The following VPS35L variants were observed in gnomAD, a reference collection of about 807,000 sequenced individuals.
The protein encoded by VPS35L is VPS35 endosomal protein sorting factor like.
A neutral mutation model predicts 133.0 loss-of-function variants in VPS35L; 83 were observed. The observed-to-expected ratio is 0.62, with a 90% confidence interval of 0.52 to 0.75. The LOEUF (loss-of-function observed/expected upper bound fraction) is 0.75. Among genes scored for constraint, VPS35L ranks in the 30% least tolerant of loss-of-function variants. VPS35L has a pLI of 0.00. For synonymous variants in VPS35L, 423 were observed against 449.9 expected, an observed-to-expected ratio of 0.94 and a Z score of 0.76; for missense variants, 1,083 against 1,206.8, an observed-to-expected ratio of 0.90 and a Z score of 1.52.
chr16:19,635,556 A>T (rs1973598102), intron 19 of VPS35L, among the ~76,000 whole-genome samples: 1 of 152,324 alleles, frequency 6.6e-6, no homozygotes, highest in East Asian at 1.9e-4. Context: ...ACTAATTGAG[A>T]CAATCAACAG....
At chr16:19,579,298 C>T (rs773221454) in intron 6 of VPS35L, 170 bp downstream of exon 6, 90 of 595,646 alleles carry the variant, frequency 1.5e-4, no homozygotes, top group Non-Finnish European at 2.3e-4. Context: ...TGCAGTTGGC[C>T]GAGCTCACGG....
At chr16:19,604,880 C>T (rs933566975) in intron 9 of VPS35L, among the ~76,000 whole-genome samples, 1 of 152,144 alleles carries the variant, frequency 6.6e-6, no homozygotes, top group African/African-American at 2.4e-5. Context: ...TAGATGTGGT[C>T]ATTTTTTCCC....
chr16:19,667,071 C>T (rs1007406669), intron 26 of VPS35L, among the ~76,000 whole-genome samples: 1 of 151,702 alleles, frequency 6.6e-6, no homozygotes, highest in Admixed American at 6.6e-5. Flanking sequence ...TCAAGTGATT[C>T]TCCTGCCTCA....
At chr16:19,652,177 C>A (rs1292538191) in intron 26 of VPS35L, 87 bp downstream of exon 26, 2 of 954,728 alleles carry the variant, frequency 2.1e-6, no homozygotes, top group African/African-American at 1.6e-5. Context: ...TAGAGAGAGA[C>A]AAAGATTTCT....
chr16:19,677,571 G>A (rs533821466), intron 27 of VPS35L, among the ~76,000 whole-genome samples: 1 of 152,306 alleles, frequency 6.6e-6, no homozygotes, highest in East Asian at 1.9e-4. Flanking sequence ...CAGCGTGGGT[G>A]AAATCCTGGA....
At chr16:19,607,937 G>T (rs1031580212) in intron 9 of VPS35L, 2 of 463,030 alleles carry the variant, frequency 4.3e-6, no homozygotes, top group Non-Finnish European at 7.7e-6. Context: ...ACCTCAGAGG[G>T]TTGCTATATG....
At chr16:19,596,065 A>G (rs1377865782) in intron 8 of VPS35L, among the ~76,000 whole-genome samples, 1 of 151,992 alleles carries the variant, frequency 6.6e-6, no homozygotes, top group Non-Finnish European at 1.5e-5. Flanking sequence ...AAAAAAAAAG[A>G]TATTAAGTCC....
intron 25 of VPS35L, 146 bp from the exon 26 acceptor site, chr16:19,651,830 G>C (rs1334595478): frequency 3.0e-6 from 2 of 666,048 alleles, no homozygotes; most frequent in East Asian, 2.8e-5. Context: ...TCAGAGCAGA[G>C]TTGTACAAGA....
intron 20 of VPS35L, among the ~76,000 whole-genome samples, chr16:19,637,968 C>G (rs1192838211): frequency 6.6e-6 from 1 of 152,226 alleles, no homozygotes; most frequent in Non-Finnish European, 1.5e-5. Flanking sequence ...TCTTACTTTG[C>G]TCTTCCACAG....
intron 23 of VPS35L, among the ~76,000 whole-genome samples, chr16:19,646,243 G>T (rs559769674): frequency 3.3e-5 from 5 of 152,156 alleles, no homozygotes; most frequent in Non-Finnish European, 7.4e-5. Flanking sequence ...GGGCATCTTG[G>T]TTTTCTTCCA....
intron 28 of VPS35L, among the ~76,000 whole-genome samples, chr16:19,686,449 T>G (rs1019176918): frequency 1.3e-5 from 2 of 152,210 alleles, no homozygotes; most frequent in African/African-American, 4.8e-5. Flanking sequence ...TCAATGTTTA[T>G]GTATTTAGTA....
intron 9 of VPS35L, among the ~76,000 whole-genome samples, chr16:19,606,331 C>T (rs1236721000): frequency 6.6e-6 from 1 of 152,198 alleles, no homozygotes; most frequent in African/African-American, 2.4e-5. Context: ...TCCCTCTCCC[C>T]AAAGAGAAGA....
chr16:19,661,239 G>C (rs1974476793), intron 26 of VPS35L, among the ~76,000 whole-genome samples: 1 of 151,446 alleles, frequency 6.6e-6, no homozygotes, highest in Non-Finnish European at 1.5e-5. Context: ...TTTTGGAAGT[G>C]CTACAAATTA....
chr16:19,603,484 T>TA (rs1289220525), intron 9 of VPS35L, among the ~76,000 whole-genome samples: 8 of 152,212 alleles, frequency 5.3e-5, no homozygotes, highest in Admixed American at 5.2e-4. Context: ...ATGAATCGGG[T>TA]AAAGTACATG....
chr16:19,619,079 C>T (rs1849566686), intron 14 of VPS35L, among the ~76,000 whole-genome samples: 1 of 151,930 alleles, frequency 6.6e-6, no homozygotes, highest in Non-Finnish European at 1.5e-5. Flanking sequence ...TACAGGCATG[C>T]ATCACCACAC....
intron 28 of VPS35L, among the ~76,000 whole-genome samples, chr16:19,686,904 C>G (rs945347023): frequency 7.9e-5 from 12 of 152,178 alleles, no homozygotes; most frequent in Non-Finnish European, 1.8e-4. Flanking sequence ...ATCCCCTGTA[C>G]TGCCCCCCCT....
intron 23 of VPS35L, among the ~76,000 whole-genome samples, chr16:19,646,396 C>A (rs924998015): frequency 6.6e-6 from 1 of 152,114 alleles, no homozygotes; most frequent in African/African-American, 2.4e-5. Flanking sequence ...AGGCCAGGCG[C>A]GGTGGCTCAC....
intron 27 of VPS35L, 102 bp downstream of exon 27, chr16:19,669,401 T>C: frequency 7.4e-7 from 1 of 1,353,920 alleles, no homozygotes; most frequent in Non-Finnish European, 9.9e-7. Context: ...TTCTATCTAG[T>C]ATCTTTGTGT....
intron 3 of VPS35L, among the ~76,000 whole-genome samples, chr16:19,571,531 ATTTAT>A (rs576553986): frequency 6.7e-6 from 1 of 150,144 alleles, no homozygotes; most frequent in Admixed American, 6.6e-5. Flanking sequence ...TTTTTTTTTA[ATTTAT>A]TTTATTTTAT....
Sources: allele counts gnomAD v4.1 joint callset (sites outside exome capture counted in the v4.1 genomes callset), GRCh38; gene constraint gnomAD v4.1.1; transcripts MANE v1.5; gene names NCBI Gene and HGNC (gene_info 2026-07-23, HGNC 2026-07-21).